Variants in RARB observed in about 807,000 individuals in gnomAD.
RARB encodes HBV-activated protein.
A neutral mutation model predicts 51.9 loss-of-function variants in RARB; 17 were observed. The observed-to-expected ratio is 0.33, with a 90% CI of 0.22 to 0.49. RARB has a LOEUF of 0.49. RARB is among the 20% of genes least tolerant of loss of function. The pLI, the probability that RARB is intolerant of heterozygous loss-of-function variation, is 0.99. For synonymous variants in RARB, 215 were observed against 195.4 expected, an observed-to-expected ratio of 1.10 and a Z score of -0.84; for missense variants, 369 against 550.8, an observed-to-expected ratio of 0.67 and a Z score of 3.30.
At chr3:25,120,111 G>A (rs1447806718) in intron 3 of RARB, among the ~76,000 whole-genome samples, 2 of 152,098 alleles carry the variant, frequency 1.3e-5, no homozygotes, top group East Asian at 1.9e-4. Context: ...GGAAAGTGAA[G>A]GACTTGTGGT....
At chr3:25,573,830 A>G (rs1700809996) in intron 4 of RARB, among the ~76,000 whole-genome samples, 1 of 152,158 alleles carries the variant, frequency 6.6e-6, no homozygotes, top group Non-Finnish European at 1.5e-5. Flanking sequence ...GCATCTACAG[A>G]TCTTTGAAAG....
intron 1 of RARB, among the ~76,000 whole-genome samples, chr3:25,453,702 T>G (rs1035882477): frequency 2.0e-5 from 3 of 152,106 alleles, no homozygotes; most frequent in African/African-American, 4.8e-5. Flanking sequence ...TCATATGTGG[T>G]CAGAATAGCA....
At chr3:24,931,676 G>A (rs1176032226) in intron 2 of RARB, among the ~76,000 whole-genome samples, 8 of 152,218 alleles carry the variant, frequency 5.3e-5, no homozygotes, top group African/African-American at 1.4e-4. Context: ...ACCTCACAAC[G>A]TGTCTTTGCA....
chr3:25,484,054 G>A (rs13314209), intron 2 of RARB, among the ~76,000 whole-genome samples: 20,508 of 152,102 alleles, frequency 0.13, 2,139 homozygotes, highest in African/African-American at 0.3. Flanking sequence ...AAAATGTTCC[G>A]TTAGTGAAGG....
intron 2 of RARB, among the ~76,000 whole-genome samples, chr3:24,861,655 AT>A (rs1216790720): frequency 1.3e-5 from 2 of 151,134 alleles, no homozygotes; most frequent in Admixed American, 1.3e-4. Flanking sequence ...AGCGTGGAAG[AT>A]TTCCCCCACA....
chr3:24,846,563 G>A (rs1036083170), intron 1 of RARB, among the ~76,000 whole-genome samples: 17 of 152,206 alleles, frequency 1.1e-4, no homozygotes, highest in African/African-American at 4.1e-4. Context: ...ACTTTCCTAT[G>A]AGGTATGGCC....
intron 5 of RARB, among the ~76,000 whole-genome samples, chr3:25,322,143 G>T (rs79811712): frequency 0.014 from 1,897 of 138,436 alleles, 47 homozygotes; most frequent in African/African-American, 0.048. Flanking sequence ...TCCCAAATAC[G>T]TATGGAAATT....
intron 5 of RARB, among the ~76,000 whole-genome samples, chr3:25,253,414 T>G (rs1246678236): frequency 6.6e-6 from 1 of 152,194 alleles, no homozygotes; most frequent in Admixed American, 6.5e-5. Context: ...GACTCTATGG[T>G]GTGTCTGCCC....
At chr3:25,256,142 T>A (rs899031165) in intron 5 of RARB, among the ~76,000 whole-genome samples, 1 of 152,196 alleles carries the variant, frequency 6.6e-6, no homozygotes, top group Non-Finnish European at 1.5e-5. Context: ...CAAGCTGTGT[T>A]GCTGCTGCTG....
intron 2 of RARB, among the ~76,000 whole-genome samples, chr3:24,956,435 C>G (rs1229808337): frequency 6.6e-6 from 1 of 152,182 alleles, no homozygotes; most frequent in Non-Finnish European, 1.5e-5. Context: ...CTCATATGAA[C>G]AATACTCATG....
intron 2 of RARB, among the ~76,000 whole-genome samples, chr3:25,048,774 G>A (rs1210273874): frequency 2.8e-3 from 51 of 18,278 alleles, no homozygotes; most frequent in African/African-American, 0.011. Context: ...TTTTTTTTTT[G>A]AGACGGAGTC....
chr3:25,277,117 A>G (rs745407825), intron 5 of RARB, among the ~76,000 whole-genome samples: 3 of 152,204 alleles, frequency 2.0e-5, no homozygotes, highest in East Asian at 1.9e-4. Context: ...TTAGCTAACT[A>G]TTTATCCAAG....
intron 4 of RARB, among the ~76,000 whole-genome samples, chr3:25,154,101 T>G (rs1304297335): frequency 6.6e-6 from 1 of 152,274 alleles, no homozygotes; most frequent in Non-Finnish European, 1.5e-5. Context: ...TGTGGATTTT[T>G]AAGAAGCCAG....
chr3:25,185,224 T>C (rs1346193740), intron 5 of RARB, among the ~76,000 whole-genome samples: 1 of 152,168 alleles, frequency 6.6e-6, no homozygotes, highest in African/African-American at 2.4e-5. Flanking sequence ...TTTTCATAAG[T>C]AAGCTTGCCC....
At chr3:25,588,797 G>A (rs937750227) in intron 5 of RARB, among the ~76,000 whole-genome samples, 1 of 152,176 alleles carries the variant, frequency 6.6e-6, no homozygotes, top group Non-Finnish European at 1.5e-5. Flanking sequence ...GGACCTGTCC[G>A]TGGGGCTGGT....
At chr3:25,060,828 G>C (rs1698534719) in intron 3 of RARB, among the ~76,000 whole-genome samples, 1 of 151,802 alleles carries the variant, frequency 6.6e-6, no homozygotes, top group Non-Finnish European at 1.5e-5. Flanking sequence ...CCAGATTGCA[G>C]GGTTATCTTG....
At chr3:25,003,199 A>AAAAAAAAC (rs1697203786) in intron 2 of RARB, among the ~76,000 whole-genome samples, 1 of 151,896 alleles carries the variant, frequency 6.6e-6, no homozygotes, top group Non-Finnish European at 1.5e-5. Context: ...TAATGCAAAA[A>AAAAAAAAC]AAAAAAAAAA....
chr3:25,255,587 C>A (rs115248962), intron 5 of RARB, among the ~76,000 whole-genome samples: 3 of 151,980 alleles, frequency 2.0e-5, no homozygotes, highest in Admixed American at 6.6e-5. Context: ...TCTTGGTGAA[C>A]AAGAGTCAGT....
chr3:25,104,806 A>C (rs190381003), intron 3 of RARB, among the ~76,000 whole-genome samples: 120 of 152,360 alleles, frequency 7.9e-4, no homozygotes, highest in Middle Eastern at 3.4e-3. Context: ...TACATGCCAC[A>C]ATATGAATGA....
Sources: gnomAD v4.1 joint callset for allele counts (sites outside exome capture counted in the v4.1 genomes callset) on GRCh38, gnomAD v4.1.1 for gene constraint, MANE v1.5 for transcripts, NCBI Gene and HGNC (gene_info 2026-07-23, HGNC 2026-07-21) for gene names.